Variants in KRT80 observed in about 807,000 individuals in gnomAD.
KRT80 encodes keratin, type II cytoskeletal 80.
Under a neutral mutation model 51.5 loss-of-function variants are expected in KRT80, and 36 were observed. The ratio of observed to expected loss-of-function variants is 0.70; its 90% CI spans 0.54 to 0.92. The LOEUF (loss-of-function observed/expected upper bound fraction) is 0.92, where lower values mean the gene tolerates loss of function less well. KRT80 is among the 40% of genes least tolerant of loss of function. KRT80 has a pLI of 0.00. For synonymous variants in KRT80, 235 were observed against 248.3 expected (o/e 0.95, Z 0.50); for missense variants, 566 against 591.7 (o/e 0.96, Z 0.45).
chr12:52,191,592 C>A lies in KRT80; in HGVS notation c.300+11G>T. ...AGCCCTTCATGTTTGGGACCCCCTA[C>A]TTGTGCTCACCTTGCCAATTAGGGA... is the stretch of plus-strand genomic sequence containing the variant. On this transcript the variant is annotated intron_variant, in intron 1 of 8. Coordinates refer to ENST00000394815, the MANE Select transcript of KRT80 (RefSeq NM_182507.3). 1 of 1,567,266 alleles carries A rather than the reference C, an allele frequency of 6.4e-7. No homozygotes were observed. Among genetic ancestry groups the A allele is most frequent in the Non-Finnish European group, 8.7e-7 (1 of 1,152,942 alleles).
intron 7 of KRT80, 72 bp downstream of exon 7, chr12:52,172,126 C>G: frequency 1.3e-6 from 2 of 1,535,080 alleles, no homozygotes; most frequent in Admixed American, 3.4e-5. Flanking sequence ...GAAAGGAGAA[C>G]TGACTTTGTG....
At chr12:52,177,136 C>A (rs148243862) in intron 4 of KRT80, among the ~76,000 whole-genome samples, 3 of 152,182 alleles carry the variant, frequency 2.0e-5, no homozygotes, top group Admixed American at 2.0e-4. Flanking sequence ...ATAGAGTTGT[C>A]GTGAGAATTA....
intron 2 of KRT80, among the ~76,000 whole-genome samples, chr12:52,181,744 C>T (rs945899732): frequency 3.9e-5 from 6 of 152,146 alleles, no homozygotes; most frequent in African/African-American, 1.4e-4. Context: ...GTGGGGAGGA[C>T]AGGACCCCCA....
At position 52,185,596 on chromosome 12, in the gene KRT80, G is replaced by A. The variant is rs1198030544; in HGVS notation, c.301-9C>T. On this transcript the variant is annotated splice_polypyrimidine_tract_variant and intron_variant, in intron 1 of 8. Transcript: ENST00000394815. The stretch of plus-strand genomic sequence containing the variant: ...TGTTCCAGGGCTTGCACCTGGGAGA[G>A]CAGGAAGGCGGCGAATGGGTCAGGT... 6 of 1,604,112 alleles carry A rather than the reference G, an allele frequency of 3.7e-6. No homozygotes were observed. The highest frequency in any genetic ancestry group is 1.1e-5 in the South Asian group (1 of 90,930).
intron 4 of KRT80, among the ~76,000 whole-genome samples, chr12:52,179,978 T>C (rs145178190): frequency 1.3e-5 from 2 of 152,338 alleles, no homozygotes; most frequent in Non-Finnish European, 2.9e-5. Flanking sequence ...TGTTGATGCA[T>C]GCCATGCTGT....
chr12:52,177,678 T>C (rs1648675575), intron 4 of KRT80, among the ~76,000 whole-genome samples: 1 of 151,294 alleles, frequency 6.6e-6, no homozygotes, highest in East Asian at 2.0e-4. Flanking sequence ...TGTGTGTGTA[T>C]GTACACACAC....
In KRT80 at chr12:52,185,845, C is replaced by A. The variant is rs542686765; in HGVS notation, c.301-258G>T. 1.6e-5 allele frequency: 10 copies of A among 624,860 alleles called. No homozygotes were observed. In the African/African-American group the frequency reaches 1.8e-4, roughly 12 times the overall value. The allele number at this position is 624,860 out of a possible 1,614,324, so 38.7% of individuals were successfully genotyped here. ...CCAGGCGAGGGCAGGGCAGGGCTGG[C>A]AGAGGAAGGGGGTAAGAGGGTGTGA... On this transcript the variant is annotated intron_variant, in intron 1 of 8. Coordinates refer to ENST00000394815, the MANE Select transcript of KRT80 (RefSeq NM_182507.3).
chr12:52,185,844 G>T, intron 1 of KRT80: 1 of 625,090 alleles, frequency 1.6e-6, no homozygotes, highest in Non-Finnish European at 2.7e-6. Context: ...GGCAGGGCTG[G>T]CAGAGGAAGG....
In KRT80 at chr12:52,173,584, G is replaced by A. The variant is rs764648229; in HGVS notation, c.831+16C>T. On this transcript the variant is annotated intron_variant, in intron 5 of 8. Coordinates refer to ENST00000394815, the MANE Select transcript of KRT80 (RefSeq NM_182507.3). ...CTGTCCAGGCTGCTTCTCGTGCCCT[G>A]TGTGGTCAGCCCCACCTGGCTCCGA... The A allele has an allele frequency of 1.9e-6, 3 of 1,611,208 alleles. No homozygotes were observed. The South Asian group carries it at 3.3e-5, about 18-fold the overall frequency.
chr12:52,185,027 T>A (rs759234483), intron 2 of KRT80, among the ~76,000 whole-genome samples: 1 of 152,126 alleles, frequency 6.6e-6, no homozygotes, highest in African/African-American at 2.4e-5. Context: ...CAGAGCAACA[T>A]GTGGACAAGA....
In KRT80 at chr12:52,191,992, A is replaced by G. The variant is rs559161880; in HGVS notation, c.-90T>C. ...GTGGCAGGCTCTGGTTGCTCTGGTC[A>G]CAGCTGGGGCGGGCTGGGGACTGAG... On this transcript the variant is annotated 5_prime_UTR_variant, in exon 1 of 9. Transcript: ENST00000394815. 4.8e-3 allele frequency: 5,848 copies of G among 1,230,106 alleles called. 20 individuals are homozygous for G. Among genetic ancestry groups the G allele is most frequent in the Non-Finnish European group, 5.8e-3 (5,315 of 916,828 alleles). 76.2% of individuals were successfully genotyped at this position (1,230,106 alleles called of 1,614,324 possible).
intron 5 of KRT80, 94 bp downstream of exon 5, chr12:52,173,506 G>A (rs187728381): frequency 1.6e-6 from 2 of 1,271,048 alleles, no homozygotes; most frequent in East Asian, 4.8e-5. Context: ...AGGACAGAGA[G>A]CTGCAGGCAA....
intron 4 of KRT80, among the ~76,000 whole-genome samples, chr12:52,174,715 G>A (rs1178766360): frequency 1.3e-5 from 2 of 152,248 alleles, no homozygotes; most frequent in Non-Finnish European, 2.9e-5. Flanking sequence ...CTGCTGCTGT[G>A]ACGCTCCCTT....
chr12:52,173,722 T>C lies in KRT80; in HGVS notation c.709A>G (p.Thr237Ala). 6.2e-7 allele frequency: 1 copy of C among 1,612,324 alleles called. No homozygotes were observed. Among genetic ancestry groups the C allele is most frequent in the Non-Finnish European group, 8.5e-7 (1 of 1,180,012 alleles). Reference protein sequence around the residue: ...LAAQVKDVSVTVGMDSRCHID... With the variant: ...LAAQVKDVSVAVGMDSRCHID... ...TGGCAGCGGCTGTCCATGCCGACGG[T>C]CACCGACACATCCTTCACCTGTGCT... Residue 237 changes from threonine (T) to alanine (A), a missense_variant, in exon 5 of 9, where the codon ACC (threonine) becomes GCC (alanine). Coordinates refer to ENST00000394815, the MANE Select transcript of KRT80 (RefSeq NM_182507.3).
intron 4 of KRT80, among the ~76,000 whole-genome samples, chr12:52,174,783 C>G (rs904622969): frequency 1.3e-5 from 2 of 152,246 alleles, no homozygotes; most frequent in African/African-American, 4.8e-5. Flanking sequence ...CCCAGACCAG[C>G]TTTCTTTCCT....
chr12:52,172,145 G>C, intron 7 of KRT80, 53 bp downstream of exon 7: 1 of 1,585,690 alleles, frequency 6.3e-7, no homozygotes, highest in Non-Finnish European at 8.6e-7. Context: ...TGTAGGCCTG[G>C]GCCTCCAGCC....
At chr12:52,177,529 C>T (rs80246701) in intron 4 of KRT80, among the ~76,000 whole-genome samples, 6,222 of 152,092 alleles carry the variant, frequency 0.041, 404 homozygotes, top group African/African-American at 0.14. Context: ...AGCCTGTGCC[C>T]CCAGGGGAGA....
In KRT80 at chr12:52,171,723, G is replaced by A; in HGVS notation, c.1179-10C>T. On this transcript the variant is annotated splice_polypyrimidine_tract_variant and intron_variant, in intron 7 of 8. Coordinates refer to ENST00000394815, the MANE Select transcript of KRT80 (RefSeq NM_182507.3). ...TGAGGGCGAGTCCATCCTGGGGGTG[G>A]GGGACGGGGGGGTGGGAGAGGGATA... 1 of 1,464,254 alleles carries A rather than the reference G, an allele frequency of 6.8e-7. No homozygotes were observed. Among genetic ancestry groups the A allele is most frequent in the East Asian group, 2.4e-5 (1 of 40,934 alleles). The allele number at this position is 1,464,254 out of a possible 1,614,324, so 90.7% of individuals were successfully genotyped here.
At position 52,179,158 on chromosome 12, in the gene KRT80, G is replaced by A. The variant is rs564985202; in HGVS notation, c.666+1355C>T. On this transcript the variant is annotated intron_variant, in intron 4 of 8. Transcript: ENST00000394815. ...ACTCCATCTAGGCTCGGCAGAATCT[G>A]CACTCACCCATGGACTCAGCCTCTC... 3.3e-5 allele frequency among the ~76,000 whole-genome samples: 5 copies of A among 152,354 alleles called. No homozygotes were observed. The South Asian group carries it at 8.3e-4, about 25-fold the overall frequency.
Sources: gnomAD v4.1 joint callset for allele counts (sites outside exome capture counted in the v4.1 genomes callset) on GRCh38, gnomAD v4.1.1 for gene constraint, MANE v1.5 for transcripts, NCBI Gene and HGNC (gene_info 2026-07-23, HGNC 2026-07-21) for gene names.